The following KIRREL1 variants were observed in gnomAD, a reference collection of about 807,000 sequenced individuals.
The protein encoded by KIRREL1 is kin of IRRE-like protein 1.
Under a neutral mutation model 83.3 loss-of-function variants are expected in KIRREL1, and 25 were observed. The ratio of observed to expected loss-of-function variants is 0.30; its 90% CI spans 0.22 to 0.42. The LOEUF (loss-of-function observed/expected upper bound fraction) is 0.42, where lower values mean the gene tolerates loss of function less well. KIRREL1 is among the 10% of genes least tolerant of loss of function. The pLI is 1.00. For missense variants in KIRREL1, 812 were observed against 1,032.3 expected (o/e 0.79, Z 2.92); for synonymous variants, 388 against 410.4 (o/e 0.95, Z 0.66).
intron 1 of KIRREL1, among the ~76,000 whole-genome samples, chr1:158,056,316 G>A (rs1661055719): frequency 6.6e-6 from 1 of 152,194 alleles, no homozygotes; most frequent in African/African-American, 2.4e-5. Flanking sequence ...TTCTGCCCTT[G>A]TGTCTGTCTC....
intron 2 of KIRREL1, among the ~76,000 whole-genome samples, chr1:158,077,407 G>C (rs557340933): frequency 1.3e-5 from 2 of 152,308 alleles, no homozygotes; most frequent in East Asian, 3.9e-4. Flanking sequence ...AGGCTGGGAA[G>C]CAAGAAGCGG....
intron 1 of KIRREL1, among the ~76,000 whole-genome samples, chr1:158,065,142 C>T (rs1375306266): frequency 6.6e-6 from 1 of 152,066 alleles, no homozygotes; most frequent in Non-Finnish European, 1.5e-5. Flanking sequence ...CTCACTGTTG[C>T]CCAGCTCTTT....
At position 158,096,761 on chromosome 1, in the gene KIRREL1, G is replaced by T. The variant is rs752265074; in HGVS notation, c.*1641G>T. The stretch of plus-strand genomic sequence containing the variant: ...GAACCTGTACCCCTGCCCCAGCCTC[G>T]CCTTCCTAAAAAGCAGTGTCTGGAG... On this transcript the variant is annotated 3_prime_UTR_variant, in exon 15 of 15. Coordinates refer to ENST00000359209, the MANE Select transcript of KIRREL1 (RefSeq NM_018240.7). 1.8e-5 allele frequency: 8 copies of T among 456,486 alleles called. No individual in the cohort carries two copies. Among genetic ancestry groups the T allele is most frequent in the Non-Finnish European group, 4.4e-6 (1 of 226,956 alleles). 28.3% of individuals were successfully genotyped at this position (456,486 alleles called of 1,614,324 possible).
intron 1 of KIRREL1, among the ~76,000 whole-genome samples, chr1:158,029,369 A>G (rs61819728): frequency 0.17 from 24,634 of 145,170 alleles, 2,382 homozygotes; most frequent in East Asian, 0.23. Context: ...GTGTGTGTGC[A>G]CGTGCGCGCG....
chr1:158,098,711 G>T lies in KIRREL1; in HGVS notation c.*3591G>T, dbSNP rs1662416878. 6.6e-6 allele frequency: 1 copy of T among 152,270 alleles called. No homozygotes were observed. The highest frequency in any genetic ancestry group is 2.1e-4 in the South Asian group (1 of 4,826). 9.4% of individuals were successfully genotyped at this position (152,270 alleles called of 1,614,324 possible). A position where few individuals can be genotyped will look rare whatever the true frequency, so the allele number is the denominator to read the frequency against. On this transcript the variant is annotated 3_prime_UTR_variant, in exon 15 of 15. Transcript: ENST00000359209. ...AAGCCTAGTAAGTGAGAAAGGAAAG[G>T]GGCCAGGGATGGGAGCAGTGCTGTG...
At chr1:158,050,940 T>C (rs1000440630) in intron 1 of KIRREL1, among the ~76,000 whole-genome samples, 4 of 152,248 alleles carry the variant, frequency 2.6e-5, no homozygotes, top group African/African-American at 9.6e-5. Flanking sequence ...TTTACCAAAA[T>C]CCTACTTTTT....
intron 1 of KIRREL1, among the ~76,000 whole-genome samples, chr1:158,057,374 T>C (rs1363904501): frequency 1.3e-5 from 2 of 152,210 alleles, no homozygotes; most frequent in African/African-American, 4.8e-5. Context: ...CTTGACTTCC[T>C]AAGACCTGGA....
Position 158,097,272 on chromosome 1 carries a change from G to T in KIRREL1, c.*2152G>T. 1 of 217,882 alleles carries T rather than the reference G, an allele frequency of 4.6e-6. No homozygotes were observed. The highest frequency in any genetic ancestry group is 3.0e-5 in the South Asian group (1 of 33,416). 13.5% of individuals were successfully genotyped at this position (217,882 alleles called of 1,614,324 possible). A position where few individuals can be genotyped will look rare whatever the true frequency, so the allele number is the denominator to read the frequency against. ...ATTTTCACAAAAACCAGAAACCATG[G>T]GGGAATCCAAAGACTTGAAGTCTAA... On this transcript the variant is annotated 3_prime_UTR_variant, in exon 15 of 15. Transcript: ENST00000359209.
At chr1:158,065,570 G>A (rs1023579120) in intron 1 of KIRREL1, among the ~76,000 whole-genome samples, 7 of 152,122 alleles carry the variant, frequency 4.6e-5, no homozygotes, top group Non-Finnish European at 8.8e-5. Flanking sequence ...CCTTGAGGAC[G>A]CCTGCAGAAG....
At chr1:158,050,178 A>G (rs1660875164) in intron 1 of KIRREL1, among the ~76,000 whole-genome samples, 1 of 152,138 alleles carries the variant, frequency 6.6e-6, no homozygotes, top group Non-Finnish European at 1.5e-5. Flanking sequence ...TCCAGGGACT[A>G]CAGCACTTCT....
At chr1:158,026,160 T>G (rs929713499) in intron 1 of KIRREL1, among the ~76,000 whole-genome samples, 4 of 152,190 alleles carry the variant, frequency 2.6e-5, no homozygotes, top group African/African-American at 9.7e-5. Context: ...CTGGGGTTTC[T>G]ACTCCCCAGC....
chr1:158,096,271 G>T lies in KIRREL1; in HGVS notation c.*1151G>T. The T allele has an allele frequency of 3.4e-6, 1 of 296,148 alleles. No homozygotes were observed. Among genetic ancestry groups the T allele is most frequent in the Non-Finnish European group, 6.6e-6 (1 of 151,994 alleles). The allele number at this position is 296,148 out of a possible 1,614,324, so 18.3% of individuals were successfully genotyped here. On this transcript the variant is annotated 3_prime_UTR_variant, in exon 15 of 15. Coordinates refer to ENST00000359209, the MANE Select transcript of KIRREL1 (RefSeq NM_018240.7). ...CAGTGGACTCTGATAGGGTTACGGA[G>T]GGGGCCTGGCTCTCAGTCTCTACTC...
intron 1 of KIRREL1, among the ~76,000 whole-genome samples, chr1:158,037,867 C>G (rs1660518940): frequency 6.6e-6 from 1 of 152,232 alleles, no homozygotes; most frequent in Admixed American, 6.5e-5. Flanking sequence ...AGATTCCTTA[C>G]TGCCCATTGC....
intron 1 of KIRREL1, among the ~76,000 whole-genome samples, chr1:158,055,358 A>G (rs1054627557): frequency 6.6e-6 from 1 of 152,090 alleles, no homozygotes; most frequent in African/African-American, 2.4e-5. Context: ...TTCTGGTAGA[A>G]ACACGGGTTA....
chr1:158,029,539 CTT>C (rs1339704328), intron 1 of KIRREL1, among the ~76,000 whole-genome samples: 1 of 152,106 alleles, frequency 6.6e-6, no homozygotes, highest in Non-Finnish European at 1.5e-5. Context: ...GATGGGGAAA[CTT>C]TTAGCCCTCC....
intron 1 of KIRREL1, among the ~76,000 whole-genome samples, chr1:158,049,464 G>A (rs1191125684): frequency 1.3e-5 from 2 of 152,192 alleles, no homozygotes; most frequent in Non-Finnish European, 2.9e-5. Context: ...GTGTGCACAC[G>A]CCTCTGAGAG....
At position 158,084,470 on chromosome 1, in the gene KIRREL1, A is replaced by G. The variant is rs1661960564; in HGVS notation, c.401A>G (p.Gln134Arg). Residue 134 changes from glutamine (Q) to arginine (R), a missense_variant, in exon 4 of 15, where the codon CAG becomes CGG. Around this residue, in one of 3 missense-constraint regions of KIRREL1, gnomAD observed 472 missense variants for 626.8 expected, o/e 0.75. Coordinates refer to ENST00000359209, the MANE Select transcript of KIRREL1 (RefSeq NM_018240.7). ...RIDGGPVILLQAGTPHNLTCR... is the reference protein window; with the variant it reads ...RIDGGPVILLRAGTPHNLTCR... Reference sequence around the variant, plus strand: ...GACGGAGGCCCTGTGATTCTACTGCAGGCAGGCACCCCCCACAACCTCACA... The same window carrying G: ...GACGGAGGCCCTGTGATTCTACTGCGGGCAGGCACCCCCCACAACCTCACA... 1.3e-6 allele frequency: 2 copies of G among 1,551,698 alleles called. No individual in the cohort carries two copies. Among genetic ancestry groups the G allele is most frequent in the Admixed American group, 2.0e-5 (1 of 50,984 alleles).
chr1:158,045,927 G>T (rs1660767950), intron 1 of KIRREL1, among the ~76,000 whole-genome samples: 1 of 152,208 alleles, frequency 6.6e-6, no homozygotes, highest in Non-Finnish European at 1.5e-5. Context: ...CAGGAATGTG[G>T]ACCAAGGCCA....
At chr1:158,059,369 G>A (rs1172376210) in intron 1 of KIRREL1, among the ~76,000 whole-genome samples, 3 of 152,166 alleles carry the variant, frequency 2.0e-5, no homozygotes, top group African/African-American at 7.2e-5. Flanking sequence ...GACAAGAATA[G>A]GACTGTAGGG....
Sources: allele counts gnomAD v4.1 joint callset (sites outside exome capture counted in the v4.1 genomes callset), GRCh38; gene constraint gnomAD v4.1.1; regional missense constraint gnomAD v4.1.1; transcripts MANE v1.5; gene names NCBI Gene and HGNC (gene_info 2026-07-23, HGNC 2026-07-21).